AMOTL1: variants seen among roughly 807,000 people sequenced by gnomAD.
AMOTL1 encodes angiomotin-like protein 1.
A neutral mutation model predicts 102.9 loss-of-function variants in AMOTL1; 45 were observed. That is an observed-to-expected ratio of 0.44 (90% CI 0.34 to 0.56). AMOTL1 has a LOEUF of 0.56. Ranked by LOEUF, AMOTL1 falls within the 20% of genes least tolerant of loss-of-function variation. The pLI is 0.01. For synonymous variants in AMOTL1, 481 were observed against 484.7 expected, an observed-to-expected ratio of 0.99 and a Z score of 0.10; for missense variants, 1,114 against 1,225.6, an observed-to-expected ratio of 0.91 and a Z score of 1.36.
chr11:94,800,428 A>T lies in AMOTL1; in HGVS notation c.1121+117A>T, dbSNP rs1459195075. 5 of 1,160,000 alleles carry T rather than the reference A, an allele frequency of 4.3e-6. No individual in the cohort carries two copies. In the African/African-American group the frequency reaches 6.2e-5, roughly 14 times the overall value. 71.9% of individuals were successfully genotyped at this position (1,160,000 alleles called of 1,614,324 possible). A position where few individuals can be genotyped will look rare whatever the true frequency, so the allele number is the denominator to read the frequency against. On this transcript the variant is annotated intron_variant, in intron 3 of 12. Transcript: ENST00000433060. ...TGTCATCAGGCTTTTTTCCTTATGC[A>T]TGATATTTAATAAACCACTTTGTGG... is the stretch of plus-strand genomic sequence containing the variant.
chr11:94,826,129 G>T (rs772955514), intron 4 of AMOTL1, among the ~76,000 whole-genome samples: 121 of 152,024 alleles, frequency 8.0e-4, no homozygotes, highest in Non-Finnish European at 1.4e-3. Context: ...TACTAAAAAA[G>T]AAAAAATACA....
chr11:94,768,224 G>C (rs551811444), upstream of AMOTL1: 8,847 of 1,136,610 alleles, frequency 7.8e-3, 46 homozygotes, highest in South Asian at 0.01. Context: ...GGGGCGGCGG[G>C]TGTCTGCAGA....
intron 3 of AMOTL1, among the ~76,000 whole-genome samples, chr11:94,808,439 A>G (rs1016017840): frequency 6.6e-5 from 10 of 151,750 alleles, no homozygotes; most frequent in South Asian, 6.3e-4. Context: ...TTACCCATTG[A>G]TTTTTTTTCT....
upstream of AMOTL1, among the ~76,000 whole-genome samples, chr11:94,765,445 AT>A (rs1361668597): frequency 1.3e-5 from 2 of 152,166 alleles, no homozygotes; most frequent in African/African-American, 2.4e-5. Flanking sequence ...TGAACAATAG[AT>A]TCAGGAACTA....
intron 6 of AMOTL1, among the ~76,000 whole-genome samples, chr11:94,835,871 GT>G (rs1952169286): frequency 6.6e-6 from 1 of 152,202 alleles, no homozygotes; most frequent in South Asian, 2.1e-4. Context: ...GTGTAAATGA[GT>G]CAGAACTATA....
rs145212736 is a variant in AMOTL1 at position 94,840,571 on chromosome 11, A to G, written c.1648+9030A>G. ...TAAACAACTTTTTCCGCCGGATGTA[A>G]TGATTTCCCCAGCATAACTTCTGTC... is the stretch of plus-strand genomic sequence containing the variant. On this transcript the variant is annotated intron_variant, in intron 6 of 12. Coordinates refer to ENST00000433060, the MANE Select transcript of AMOTL1 (RefSeq NM_130847.3). Among the ~76,000 whole-genome samples the G allele has an allele frequency of 4.2e-3, 629 of 150,832 alleles. 12 individuals carry two copies. The highest frequency in any genetic ancestry group is 0.034 in the South Asian group (163 of 4,754).
At chr11:94,762,628 G>C (rs1038500309) in intron 3 of AMOTL1, among the ~76,000 whole-genome samples, 1 of 152,132 alleles carries the variant, frequency 6.6e-6, no homozygotes, top group Non-Finnish European at 1.5e-5. Flanking sequence ...GTCATGTATC[G>C]AATATCTACT....
intron 11 of AMOTL1, among the ~76,000 whole-genome samples, chr11:94,866,988 C>T (rs1952897858): frequency 6.6e-6 from 1 of 152,092 alleles, no homozygotes; most frequent in Non-Finnish European, 1.5e-5. Flanking sequence ...CACAGGTCCT[C>T]CACATCCTTC....
chr11:94,840,797 A>C (rs1217006055), intron 6 of AMOTL1, among the ~76,000 whole-genome samples: 1 of 151,608 alleles, frequency 6.6e-6, no homozygotes, highest in Non-Finnish European at 1.5e-5. Flanking sequence ...TGTTATATAC[A>C]TATTTATATA....
At chr11:94,834,568 G>A (rs1189633548) in intron 6 of AMOTL1, among the ~76,000 whole-genome samples, 3 of 152,110 alleles carry the variant, frequency 2.0e-5, no homozygotes, top group Admixed American at 2.0e-4. Flanking sequence ...CTCCAGCCTG[G>A]GCGACAGAGC....
intron 1 of AMOTL1, among the ~76,000 whole-genome samples, chr11:94,715,942 C>T (rs576233577): frequency 6.6e-6 from 1 of 152,126 alleles, no homozygotes; most frequent in African/African-American, 2.4e-5. Context: ...TTTTTGAATA[C>T]TTTTTCAGCA....
chr11:94,853,770 T>G (rs1952597599), intron 7 of AMOTL1, among the ~76,000 whole-genome samples, 163 bp from the exon 8 acceptor site: 1 of 152,288 alleles, frequency 6.6e-6, no homozygotes, highest in South Asian at 2.1e-4. Flanking sequence ...TGTGTAAATC[T>G]TTTCTGTTCC....
rs111907230 is a variant in AMOTL1, at chr11:94,840,681, TACACAC to T, written c.1648+9162_1648+9167del. On this transcript the variant is annotated intron_variant, in intron 6 of 12. Transcript: ENST00000433060. ...ATATATATATATATATATATATATA[TACACAC>T]ACACACACACACACACACACATATA... Among the ~76,000 whole-genome samples, 566 of 104,710 alleles carry T rather than the reference TACACAC, an allele frequency of 5.4e-3. 4 individuals carry two copies. The highest frequency in any genetic ancestry group is 0.018 in the African/African-American group (452 of 24,720). The allele number at this position is 104,710 out of a possible 152,430, so 68.7% of individuals were successfully genotyped here.
intron 3 of AMOTL1, among the ~76,000 whole-genome samples, chr11:94,815,286 A>T (rs1182301160): frequency 1.3e-5 from 2 of 152,196 alleles, no homozygotes; most frequent in Admixed American, 1.3e-4. Context: ...ACTTTGATAA[A>T]TAAGGAATTC....
chr11:94,783,120 C>G (rs1206454946), intron 1 of AMOTL1, among the ~76,000 whole-genome samples: 2 of 152,088 alleles, frequency 1.3e-5, no homozygotes, highest in African/African-American at 4.8e-5. Context: ...GTGGCAAAAG[C>G]CATAGACTCT....
chr11:94,821,873 T>C lies in AMOTL1; in HGVS notation c.1413+52T>C, dbSNP rs1592001050. 10 of 1,589,164 alleles carry C rather than the reference T, an allele frequency of 6.3e-6. No individual in the cohort carries two copies. In the Admixed American group the frequency reaches 1.7e-4, roughly 27 times the overall value. On this transcript the variant is annotated intron_variant, in intron 4 of 12. Transcript: ENST00000433060. ...GGGAGACAAATTCTTTACCTGGTCATGGGGAGTTGATGCACTGACTGACTT... is the reference window on the plus strand; with the variant it reads ...GGGAGACAAATTCTTTACCTGGTCACGGGGAGTTGATGCACTGACTGACTT...
At chr11:94,739,460 C>G (rs545171044) in intron 2 of AMOTL1, among the ~76,000 whole-genome samples, 1 of 152,084 alleles carries the variant, frequency 6.6e-6, no homozygotes, top group African/African-American at 2.4e-5. Flanking sequence ...CAATGCTGGC[C>G]GAAGGGGCTT....
intron 3 of AMOTL1, among the ~76,000 whole-genome samples, chr11:94,761,560 A>G (rs960216409): frequency 2.0e-5 from 3 of 152,036 alleles, no homozygotes; most frequent in Non-Finnish European, 4.4e-5. Context: ...CTCTCTCCCA[A>G]TCCATACTTT....
intron 9 of AMOTL1, among the ~76,000 whole-genome samples, chr11:94,863,690 A>G (rs1476259577): frequency 6.6e-6 from 1 of 152,254 alleles, no homozygotes; most frequent in Non-Finnish European, 1.5e-5. Context: ...TTAAATACTC[A>G]TGTAGTCAGA....
Sources: allele counts gnomAD v4.1 joint callset (sites outside exome capture counted in the v4.1 genomes callset), GRCh38; gene constraint gnomAD v4.1.1; transcripts MANE v1.5; gene names NCBI Gene and HGNC (gene_info 2026-07-23, HGNC 2026-07-21).